Variants in MYOM2 observed in about 807,000 individuals in gnomAD.
MYOM2 encodes the protein myomesin-2.
A neutral mutation model predicts 187.6 loss-of-function variants in MYOM2; 254 were observed. The observed-to-expected ratio is 1.35, with a 90% CI of 1.22 to 1.50. MYOM2 has a LOEUF of 1.50. MYOM2 is among the 40% of genes most tolerant of loss of function. MYOM2 has a pLI of 0.00. For synonymous variants in MYOM2, 981 were observed against 753.8 expected (o/e 1.30, Z -4.94); for missense variants, 2,796 against 1,924.0 (o/e 1.45, Z -8.48).
intron 13 of MYOM2, among the ~76,000 whole-genome samples, chr8:2,080,642 C>T: frequency 6.6e-6 from 1 of 152,182 alleles, no homozygotes; most frequent in Non-Finnish European, 1.5e-5. Flanking sequence ...GTCTCCTGGG[C>T]ATCTGGCTTT....
intron 32 of MYOM2, among the ~76,000 whole-genome samples, chr8:2,135,352 C>T (rs571005408): frequency 1.3e-5 from 2 of 152,234 alleles, no homozygotes; most frequent in African/African-American, 4.8e-5. Context: ...TCATTTGCAA[C>T]ATAGTTATGT....
intron 3 of MYOM2, among the ~76,000 whole-genome samples, chr8:2,056,976 T>A (rs1298819844): frequency 5.3e-5 from 8 of 152,212 alleles, no homozygotes; most frequent in Non-Finnish European, 1.2e-4. Context: ...AGTTCCCGAC[T>A]CTCTGAGTGG....
chr8:2,057,516 T>G, intron 4 of MYOM2, 30 bp downstream of exon 4: 1 of 1,613,580 alleles, frequency 6.2e-7, no homozygotes, highest in Admixed American at 1.7e-5. Flanking sequence ...GCTGGGTGTC[T>G]GGGAAGCGTG....
chr8:2,116,497 A>C (rs1585933746), intron 27 of MYOM2, among the ~76,000 whole-genome samples: 1 of 152,342 alleles, frequency 6.6e-6, no homozygotes, highest in African/African-American at 2.4e-5. Flanking sequence ...GACGGAGTCC[A>C]GCAATTTTAA....
chr8:2,061,423 G>T (rs1041368343), intron 6 of MYOM2, among the ~76,000 whole-genome samples: 11 of 152,138 alleles, frequency 7.2e-5, no homozygotes, highest in African/African-American at 2.7e-4. Context: ...TCTGGCTCCT[G>T]CCCTGTGCCC....
At chr8:2,127,958 A>G (rs1002986031) in intron 31 of MYOM2, 3 of 152,220 alleles carry the variant, frequency 2.0e-5, no homozygotes, top group East Asian at 1.9e-4. Context: ...AACAGTTTCT[A>G]TTTTGGTTTC....
chr8:2,057,822 C>A (rs371229722), intron 5 of MYOM2, 42 bp downstream of exon 5: 5 of 1,591,620 alleles, frequency 3.1e-6, no homozygotes, highest in Non-Finnish European at 3.4e-6. Context: ...GTCCATTCTG[C>A]GTTTTCTTTC....
intron 6 of MYOM2, among the ~76,000 whole-genome samples, chr8:2,067,879 G>A (rs1819069105): frequency 6.6e-6 from 1 of 152,108 alleles, no homozygotes; most frequent in African/African-American, 2.4e-5. Context: ...TTGGGATTCT[G>A]GATGTAGCCT....
intron 8 of MYOM2, among the ~76,000 whole-genome samples, chr8:2,070,757 G>A (rs917576205): frequency 6.6e-6 from 1 of 152,216 alleles, no homozygotes. Context: ...TGCTTCAGTT[G>A]TTTTTCGTCG....
At chr8:2,073,254 C>T (rs142624956) in intron 9 of MYOM2, 85 bp from the exon 10 acceptor site, 14 of 1,474,702 alleles carry the variant, frequency 9.5e-6, no homozygotes, top group Non-Finnish European at 1.3e-5. Context: ...CTGTCCCGCT[C>T]TGAGACGACG....
chr8:2,106,173 C>T (rs895044296), intron 21 of MYOM2, 69 bp from the exon 22 acceptor site: 1 of 1,506,098 alleles, frequency 6.6e-7, no homozygotes. Context: ...ACCATATCAC[C>T]CTCTCCCAAA....
intron 18 of MYOM2, chr8:2,098,196 G>A (rs1035534162): frequency 5.3e-5 from 8 of 152,226 alleles, no homozygotes; most frequent in Admixed American, 2.6e-4. Flanking sequence ...ATCTTACTTC[G>A]GAAGCTATTT....
At position 2,143,478 on chromosome 8, in the gene MYOM2, G is replaced by T. The variant is rs535782174; in HGVS notation, c.4080+22G>T. On this transcript the variant is annotated intron_variant, in intron 36 of 36. Transcript: ENST00000262113. ...GAAGGTGAGGATTCTAAACTCGGCC[G>T]GGGTGGGGGTGTCAGCACGGTGCGA... is the stretch of plus-strand genomic sequence containing the variant. 2.8e-5 allele frequency: 46 copies of T among 1,614,058 alleles called. 1 individual carries two copies. Among genetic ancestry groups the T allele is most frequent in the African/African-American group, 2.3e-4 (17 of 75,048 alleles).
At chr8:2,092,570 AC>A in intron 16 of MYOM2, 50 bp downstream of exon 16, 1 of 1,588,206 alleles carries the variant, frequency 6.3e-7, no homozygotes. Flanking sequence ...GAGTAGCAAG[AC>A]CGTTGAGGTC....
chr8:2,057,861 C>A, intron 5 of MYOM2, 81 bp downstream of exon 5: 1 of 1,486,350 alleles, frequency 6.7e-7, no homozygotes, highest in Non-Finnish European at 9.1e-7. Context: ...GAGACAAACG[C>A]CATTGAACCT....
chr8:2,104,814 C>A lies in MYOM2; in HGVS notation c.2735-1428C>A, dbSNP rs144433725. ...GCAGCCTTGCTTTATAACATTTACT[C>A]TCACTGGAACTACTCCATTCCAGTT... is the stretch of plus-strand genomic sequence containing the variant. On this transcript the variant is annotated intron_variant, in intron 21 of 36. Coordinates refer to ENST00000262113, the MANE Select transcript of MYOM2 (RefSeq NM_003970.4). 3.4e-4 allele frequency among the ~76,000 whole-genome samples: 52 copies of A among 152,232 alleles called. No individual in the cohort carries two copies. The East Asian group carries it at 9.1e-3, about 27-fold the overall frequency.
At chr8:2,138,314 C>G (rs764244828) in intron 32 of MYOM2, among the ~76,000 whole-genome samples, 22 of 152,228 alleles carry the variant, frequency 1.4e-4, no homozygotes, top group Non-Finnish European at 2.6e-4. Context: ...CTTCTGCTTC[C>G]CTCTCCTGCT....
At chr8:2,090,500 C>T (rs1257873311) in intron 15 of MYOM2, among the ~76,000 whole-genome samples, 2 of 152,016 alleles carry the variant, frequency 1.3e-5, no homozygotes, top group East Asian at 1.9e-4. Flanking sequence ...TTCAGGGGTC[C>T]ATGTGTAGGC....
rs534603030 is a variant in MYOM2, at chr8:2,108,125, G to A, written c.2999-661G>A. 2.6e-5 allele frequency among the ~76,000 whole-genome samples: 4 copies of A among 152,260 alleles called. No homozygotes were observed. The South Asian group carries it at 8.3e-4, about 32-fold the overall frequency. On this transcript the variant is annotated intron_variant, in intron 23 of 36. Transcript: ENST00000262113. ...AATAGACATGTTCTTGAAGGCCTTG[G>A]AGATCACCATCTTCTTTCTGATTCT...
Sources: allele counts gnomAD v4.1 joint callset (sites outside exome capture counted in the v4.1 genomes callset), GRCh38; gene constraint gnomAD v4.1.1; transcripts MANE v1.5; gene names NCBI Gene and HGNC (gene_info 2026-07-23, HGNC 2026-07-21).